Variants in FAM53C observed in about 807,000 individuals in gnomAD.
FAM53C encodes family with sequence similarity 53 member C, also known as protein FAM53C.
FAM53C carries 10 observed loss-of-function variants against 34.7 expected under a neutral mutation model. The observed-to-expected ratio is 0.29, with a 90% CI of 0.18 to 0.49. The LOEUF is 0.49. Among genes scored for constraint, FAM53C ranks in the 20% least tolerant of loss-of-function variants. FAM53C has a pLI of 0.99. For synonymous variants in FAM53C, 203 were observed against 203.6 expected, an observed-to-expected ratio of 1.00 and a Z score of 0.03; for missense variants, 442 against 515.3, an observed-to-expected ratio of 0.86 and a Z score of 1.38.
chr5:138,341,823 T>C lies in FAM53C; in HGVS notation c.93T>C (p.His31=). The part of the protein sequence containing the change: ...RFSISLPLPD[H]ADISNCGNSF... The stretch of plus-strand genomic sequence containing the variant: ...CTCTTTCTTAGCCTTTGCCTGATCA[T>C]GCAGACATCTCCAACTGTGGGAACT... The change falls in exon 3 of 5, where the codon CAT becomes CAC. Residue 31 remains histidine (H), a synonymous_variant. Coordinates refer to ENST00000239906, the MANE Select transcript of FAM53C (RefSeq NM_016605.3). 1 of 1,614,224 alleles carries C rather than the reference T, an allele frequency of 6.2e-7. No homozygotes were observed. Among genetic ancestry groups the C allele is most frequent in the South Asian group, 1.1e-5 (1 of 91,086 alleles).
At chr5:138,341,036 GT>G (rs1291565555) in intron 1 of FAM53C, 147 bp from the exon 2 acceptor site, 1 of 453,178 alleles carries the variant, frequency 2.2e-6, no homozygotes, top group African/African-American at 2.0e-5. Context: ...CTGAAGCTGT[GT>G]TTAGGCTTAG....
At chr5:138,338,613 A>G (rs1292373716) in intron 1 of FAM53C, among the ~76,000 whole-genome samples, 19 of 89,906 alleles carry the variant, frequency 2.1e-4, no homozygotes, top group Non-Finnish European at 4.2e-4. Context: ...CCCGGGGACC[A>G]GCGGACGCCC....
At position 138,344,391 on chromosome 5, in the gene FAM53C, G is replaced by C. The variant is rs984486107; in HGVS notation, c.137-434G>C. ...GAAAGGCCGAGAAAGAAGAGCATAG[G>C]CCTGCTTTTCAGCATCCAGGGCAAG... On this transcript the variant is annotated intron_variant, in intron 3 of 4. Coordinates refer to ENST00000239906, the MANE Select transcript of FAM53C (RefSeq NM_016605.3). Among the ~76,000 whole-genome samples the C allele has an allele frequency of 2.6e-5, 4 of 152,262 alleles. No homozygotes were observed. The South Asian group carries it at 6.2e-4, about 24-fold the overall frequency.
chr5:138,345,317 C>T lies in FAM53C; in HGVS notation c.629C>T (p.Pro210Leu). 6.2e-7 allele frequency: 1 copy of T among 1,614,250 alleles called. No homozygotes were observed. Among genetic ancestry groups the T allele is most frequent in the Non-Finnish European group, 8.5e-7 (1 of 1,180,052 alleles). Reference protein sequence around the residue: ...QDSSRPCAASPQSGSWESDAE... With the variant: ...QDSSRPCAASLQSGSWESDAE... ...TCCTCTCGACCCTGCGCCGCCTCCCCTCAAAGTGGCTCCTGGGAGAGTGAT... is the reference window on the plus strand; with the variant it reads ...TCCTCTCGACCCTGCGCCGCCTCCCTTCAAAGTGGCTCCTGGGAGAGTGAT... The change falls in exon 4 of 5, where the codon CCT becomes CTT. Residue 210 changes from proline (P) to leucine (L), a missense_variant. Coordinates refer to ENST00000239906, the MANE Select transcript of FAM53C (RefSeq NM_016605.3). The surrounding 1 kb of genome is among the most constrained non-coding windows in gnomAD (Gnocchi z 6.3).
Position 138,348,241 on chromosome 5 carries a change from C to T in FAM53C, c.*1282C>T, listed in dbSNP as rs906038200. 1.3e-5 allele frequency: 2 copies of T among 152,660 alleles called. No homozygotes were observed. Among genetic ancestry groups the T allele is most frequent in the African/African-American group, 4.8e-5 (2 of 41,446 alleles). 9.5% of individuals were successfully genotyped at this position (152,660 alleles called of 1,614,324 possible). A position where few individuals can be genotyped will look rare whatever the true frequency, so the allele number is the denominator to read the frequency against. Reference sequence around the variant, plus strand: ...TGGCTGAGGATGTATAAAGCAAAGGCTGTGAGAAGCAGTTGGGAGTTTGGT... The same window carrying T: ...TGGCTGAGGATGTATAAAGCAAAGGTTGTGAGAAGCAGTTGGGAGTTTGGT... On this transcript the variant is annotated 3_prime_UTR_variant, in exon 5 of 5. Transcript: ENST00000239906.
Position 138,339,642 on chromosome 5 carries a change from A to G in FAM53C, c.-153+1335A>G, listed in dbSNP as rs373573876. ...CCCTCTCTGGTTGATCTTTGAGGGCAGCAGAGTTAAGAAACCAAGAGCAGA... is the reference window on the plus strand; with the variant it reads ...CCCTCTCTGGTTGATCTTTGAGGGCGGCAGAGTTAAGAAACCAAGAGCAGA... On this transcript the variant is annotated intron_variant, in intron 1 of 4. Coordinates refer to ENST00000239906, the MANE Select transcript of FAM53C (RefSeq NM_016605.3). Among the ~76,000 whole-genome samples, 41 of 152,320 alleles carry G rather than the reference A, an allele frequency of 2.7e-4. No homozygotes were observed. In the South Asian group the frequency reaches 8.5e-3, roughly 32 times the overall value.
At chr5:138,340,837 C>T (rs915987791) in intron 1 of FAM53C, among the ~76,000 whole-genome samples, 1 of 152,162 alleles carries the variant, frequency 6.6e-6, no homozygotes, top group Non-Finnish European at 1.5e-5. Flanking sequence ...AGATAAAATA[C>T]TGGGCTGATC....
rs772161962 is a variant in FAM53C, at chr5:138,345,487, A to G, written c.799A>G (p.Asn267Asp). 1.9e-6 allele frequency: 3 copies of G among 1,613,970 alleles called. No homozygotes were observed. Among genetic ancestry groups the G allele is most frequent in the South Asian group, 2.2e-5 (2 of 91,072 alleles). ...GCCCTGGCGACCTCGAGGTCTCCGC[A>G]ACCTTCCCCGAAGCCGCTCACAGCC... Reference protein sequence around the residue: ...ELPWRPRGLRNLPRSRSQPCD... With the variant: ...ELPWRPRGLRDLPRSRSQPCD... The change falls in exon 4 of 5, where the codon AAC (asparagine) becomes GAC (aspartate). Residue 267 changes from asparagine (N) to aspartate (D), a missense_variant. Asn to Asp is a conservative substitution (Grantham distance 23). Transcript: ENST00000239906. The surrounding 1 kb of genome is among the most constrained non-coding windows in gnomAD (Gnocchi z 6.3).
chr5:138,337,912 G>C (rs1049258303), upstream of FAM53C: 1 of 1,258,488 alleles, frequency 7.9e-7, no homozygotes, highest in African/African-American at 1.5e-5. Flanking sequence ...GGCTGCAGTT[G>C]GGCCGTTGGA....
chr5:138,346,106 CT>C (rs1407565015), intron 4 of FAM53C, among the ~76,000 whole-genome samples: 7 of 152,190 alleles, frequency 4.6e-5, no homozygotes, highest in African/African-American at 1.7e-4. Context: ...TATGTATGCA[CT>C]TTGCTCACTT....
chr5:138,337,940 C>T (rs1269669558), upstream of FAM53C: 1 of 1,287,812 alleles, frequency 7.8e-7, no homozygotes, highest in Non-Finnish European at 1.0e-6. Flanking sequence ...AGGGCAGGGG[C>T]GATGCCTTTG....
chr5:138,338,380 T>G (rs942540581), intron 1 of FAM53C, 73 bp downstream of exon 1: 38 of 384,032 alleles, frequency 9.9e-5, no homozygotes, highest in Non-Finnish European at 1.8e-4. Context: ...CCTTCCCTCT[T>G]TCCCCTCCCC....
rs757076126 is a variant in FAM53C at position 138,338,270 on chromosome 5, C to T, written c.-190C>T. On this transcript the variant is annotated 5_prime_UTR_variant, in exon 1 of 5. Coordinates refer to ENST00000239906, the MANE Select transcript of FAM53C (RefSeq NM_016605.3). Reference sequence around the variant, plus strand: ...CGTGGGGCGAACCGAGCGCTCAGAGCTGCTCCGGCCGCGGCCCTGGGAGCT... The same window carrying T: ...CGTGGGGCGAACCGAGCGCTCAGAGTTGCTCCGGCCGCGGCCCTGGGAGCT... The T allele has an allele frequency of 7.3e-6, 7 of 963,430 alleles. No individual in the cohort carries two copies. The highest frequency in any genetic ancestry group is 1.0e-5 in the Non-Finnish European group (7 of 691,436). The allele number at this position is 963,430 out of a possible 1,614,324, so 59.7% of individuals were successfully genotyped here.
Position 138,344,948 on chromosome 5 carries a change from C to A in FAM53C, c.260C>A (p.Pro87His). The A allele has an allele frequency of 6.8e-6, 11 of 1,614,168 alleles. No individual in the cohort carries two copies. The highest frequency in any genetic ancestry group is 9.3e-6 in the Non-Finnish European group (11 of 1,180,022). Residue 87 changes from proline to histidine, a missense_variant, in exon 4 of 5, where the codon CCC becomes CAC. Physicochemically the swap from Pro to His is moderately conservative, Grantham distance 77. Transcript: ENST00000239906. Reference sequence around the variant, plus strand: ...AGACCACCCAGTCGGGGAAACTCCCCCAAGGAGCAGCCCTTCTCCCAAGTC... The same window carrying A: ...AGACCACCCAGTCGGGGAAACTCCCACAAGGAGCAGCCCTTCTCCCAAGTC... ...HLRPPSRGNS[P>H]KEQPFSQVLR...
At chr5:138,341,021 A>AT (rs1319624164) in intron 1 of FAM53C, among the ~76,000 whole-genome samples, 163 bp from the exon 2 acceptor site, 1 of 152,218 alleles carries the variant, frequency 6.6e-6, no homozygotes, top group African/African-American at 2.4e-5. Context: ...CCAAGTTCAT[A>AT]ATTTCTGAAG....
Position 138,347,100 on chromosome 5 carries a change from C to A in FAM53C, c.*141C>A. On this transcript the variant is annotated 3_prime_UTR_variant, in exon 5 of 5. Transcript: ENST00000239906. ...GACTCAGGGCAGCTGGAAATCTTCT[C>A]GCTCCAGCAAGCTCGACCATGCCAA... 2 of 1,196,984 alleles carry A rather than the reference C, an allele frequency of 1.7e-6. No individual in the cohort carries two copies. The highest frequency in any genetic ancestry group is 2.3e-6 in the Non-Finnish European group (2 of 851,772). The allele number at this position is 1,196,984 out of a possible 1,614,324, so 74.1% of individuals were successfully genotyped here.
rs1761258767 is a variant in FAM53C at position 138,349,201 on chromosome 5, TC to T, written c.*2244del. ...ATTTTGCTTTACACAGTAGATCTGT[TC>T]CAACAGTTCTGTGTAAACCAAATGC... On this transcript the variant is annotated 3_prime_UTR_variant, in exon 5 of 5. Coordinates refer to ENST00000239906, the MANE Select transcript of FAM53C (RefSeq NM_016605.3). The T allele has an allele frequency of 6.5e-6, 1 of 152,704 alleles. No individual in the cohort carries two copies. The highest frequency in any genetic ancestry group is 1.5e-5 in the Non-Finnish European group (1 of 68,044). 9.5% of individuals were successfully genotyped at this position (152,704 alleles called of 1,614,324 possible).
rs373768017 is a variant in FAM53C at position 138,347,365 on chromosome 5, C to T, written c.*406C>T. ...TGAGTCAGCCTCCTCAGAGAAACTG[C>T]GTGAGAGTGTGTGCGTGCATGGGAG... On this transcript the variant is annotated 3_prime_UTR_variant, in exon 5 of 5. Coordinates refer to ENST00000239906, the MANE Select transcript of FAM53C (RefSeq NM_016605.3). The T allele has an allele frequency of 1.9e-5, 5 of 268,870 alleles. No individual in the cohort carries two copies. Among genetic ancestry groups the T allele is most frequent in the East Asian group, 1.1e-4 (1 of 8,800 alleles). 16.7% of individuals were successfully genotyped at this position (268,870 alleles called of 1,614,324 possible). A position where few individuals can be genotyped will look rare whatever the true frequency, so the allele number is the denominator to read the frequency against.
rs778523040 is a variant in FAM53C at position 138,341,296 on chromosome 5, A to C, written c.-40A>C. The C allele has an allele frequency of 1.3e-6, 2 of 1,548,122 alleles. No homozygotes were observed. Among genetic ancestry groups the C allele is most frequent in the South Asian group, 2.2e-5 (2 of 89,776 alleles). On this transcript the variant is annotated 5_prime_UTR_variant, in exon 2 of 5. Transcript: ENST00000239906. ...AAGAACAACAGGGAAGACATCCATC[A>C]TTTGCTCCAAAGTGTGCAAGTCAAA...
Sources: allele counts gnomAD v4.1 joint callset (sites outside exome capture counted in the v4.1 genomes callset), GRCh38; gene constraint gnomAD v4.1.1; non-coding constraint Gnocchi (gnomAD v3.1); transcripts MANE v1.5; gene names NCBI Gene and HGNC (gene_info 2026-07-23, HGNC 2026-07-21).